ARHGAP42: variants seen among roughly 807,000 people sequenced by gnomAD.
The protein encoded by ARHGAP42 is Rho GTPase activating protein 42.
A neutral mutation model predicts 125.0 loss-of-function variants in ARHGAP42; 63 were observed. The ratio of observed to expected loss-of-function variants is 0.50; its 90% CI spans 0.41 to 0.62. ARHGAP42 has a LOEUF of 0.62. ARHGAP42 is among the 20% of genes least tolerant of loss of function. The pLI, the probability that ARHGAP42 is intolerant of heterozygous loss-of-function variation, is 0.00. For synonymous variants in ARHGAP42, 339 were observed against 351.0 expected (o/e 0.97, Z 0.38); for missense variants, 766 against 1,024.2 (o/e 0.75, Z 3.44).
At chr11:100,701,903 CA>C (rs1215603126) in intron 1 of ARHGAP42, among the ~76,000 whole-genome samples, 1 of 151,852 alleles carries the variant, frequency 6.6e-6, no homozygotes, top group East Asian at 1.9e-4. Context: ...CCTTTGCATT[CA>C]TAATTTGACT....
chr11:100,762,784 A>G (rs1450270766), intron 1 of ARHGAP42, among the ~76,000 whole-genome samples: 1 of 152,046 alleles, frequency 6.6e-6, no homozygotes, highest in Non-Finnish European at 1.5e-5. Context: ...GTTCCCTGAG[A>G]GCACACTAAA....
intron 18 of ARHGAP42, 107 bp downstream of exon 18, chr11:100,973,441 A>G (rs1192209892): frequency 8.9e-7 from 1 of 1,121,688 alleles, no homozygotes; most frequent in East Asian, 2.6e-5. Context: ...TTACTTCTTA[A>G]TGGGGACTTC....
In ARHGAP42 at chr11:100,742,508, T is replaced by TA. The variant is rs200316582; in HGVS notation, c.155-27833dup. ...GTTCCTGTGGAATTACAGTGTTTTA[T>TA]AATTTGAAGTAACAGATCTTATTAA... On this transcript the variant is annotated intron_variant, in intron 1 of 23. Transcript: ENST00000298815. 5.3e-3 allele frequency among the ~76,000 whole-genome samples: 806 copies of TA among 152,332 alleles called. 9 individuals carry two copies. The highest frequency in any genetic ancestry group is 0.019 in the African/African-American group (772 of 41,576).
At chr11:100,884,126 C>T (rs947297164) in intron 4 of ARHGAP42, among the ~76,000 whole-genome samples, 36 of 152,082 alleles carry the variant, frequency 2.4e-4, no homozygotes, top group Admixed American at 1.4e-3. Context: ...ATGTGGTCTT[C>T]CCATTGGATC....
At chr11:100,808,467 G>T (rs1019821674) in intron 3 of ARHGAP42, among the ~76,000 whole-genome samples, 1 of 147,306 alleles carries the variant, frequency 6.8e-6, no homozygotes, top group African/African-American at 2.5e-5. Flanking sequence ...CTGCAGTGGC[G>T]CAATCTCGGC....
chr11:100,906,833 A>G (rs1340998752), intron 4 of ARHGAP42, among the ~76,000 whole-genome samples: 4 of 152,246 alleles, frequency 2.6e-5, no homozygotes, highest in African/African-American at 9.6e-5. Context: ...ATCCATCAAC[A>G]CTTATTATTT....
chr11:100,690,928 G>T (rs904456387), intron 1 of ARHGAP42, among the ~76,000 whole-genome samples: 9 of 152,130 alleles, frequency 5.9e-5, no homozygotes, highest in Non-Finnish European at 1.2e-4. Context: ...TCAGATTCAT[G>T]TCCACTTGGA....
intron 3 of ARHGAP42, among the ~76,000 whole-genome samples, chr11:100,824,870 A>T (rs987591617): frequency 8.5e-5 from 13 of 152,188 alleles, no homozygotes. Flanking sequence ...TTTCTTTCCC[A>T]TTCTAAGCTG....
intron 1 of ARHGAP42, among the ~76,000 whole-genome samples, chr11:100,730,478 C>A (rs1201009729): frequency 6.6e-6 from 1 of 152,136 alleles, no homozygotes; most frequent in Non-Finnish European, 1.5e-5. Flanking sequence ...AGCTGAAAAG[C>A]CAATGTTGCT....
chr11:100,798,456 T>C (rs1285566304), intron 3 of ARHGAP42, among the ~76,000 whole-genome samples: 4 of 152,170 alleles, frequency 2.6e-5, no homozygotes, highest in Non-Finnish European at 5.9e-5. Context: ...GACAGGAGCC[T>C]CCACCATCAA....
chr11:100,957,924 C>T (rs1483804446), intron 12 of ARHGAP42, among the ~76,000 whole-genome samples: 2 of 152,028 alleles, frequency 1.3e-5, no homozygotes, highest in African/African-American at 4.8e-5. Flanking sequence ...TCACTACTAT[C>T]TTCATTCCTT....
At chr11:100,978,600 A>G (rs1858449648) in intron 21 of ARHGAP42, among the ~76,000 whole-genome samples, 1 of 152,208 alleles carries the variant, frequency 6.6e-6, no homozygotes, top group Non-Finnish European at 1.5e-5. Flanking sequence ...AAAAGAATGA[A>G]CAACAGTTCT....
chr11:100,751,830 A>G (rs1268183457), intron 1 of ARHGAP42, among the ~76,000 whole-genome samples: 25 of 122,190 alleles, frequency 2.0e-4, no homozygotes, highest in Non-Finnish European at 6.4e-5. Flanking sequence ...CCCAGGCTGG[A>G]GTGCAATGGT....
rs181994216 is a variant in ARHGAP42, at chr11:100,861,077, G to C, written c.384+1452G>C. On this transcript the variant is annotated intron_variant, in intron 4 of 23. Coordinates refer to ENST00000298815, the MANE Select transcript of ARHGAP42 (RefSeq NM_152432.4). ...TGCGATGCAAAAGTGCTTCACAAGG[G>C]CATCATTAATGGATCTGAACTTGTC... Among the ~76,000 whole-genome samples, 81 of 152,262 alleles carry C rather than the reference G, an allele frequency of 5.3e-4. No homozygotes were observed. In the East Asian group the frequency reaches 0.014, roughly 25 times the overall value.
intron 1 of ARHGAP42, among the ~76,000 whole-genome samples, chr11:100,708,502 A>T (rs756842551): frequency 6.6e-6 from 1 of 152,198 alleles, no homozygotes; most frequent in Non-Finnish European, 1.5e-5. Context: ...TGACAGAGTG[A>T]GACCTGTCTC....
chr11:100,936,895 T>C (rs1343392451), intron 8 of ARHGAP42, among the ~76,000 whole-genome samples: 1 of 152,028 alleles, frequency 6.6e-6, no homozygotes, highest in African/African-American at 2.4e-5. Context: ...ATAACTGGAG[T>C]TTTTTGTGCA....
At chr11:100,869,412 T>G (rs571547311) in intron 4 of ARHGAP42, among the ~76,000 whole-genome samples, 4 of 152,168 alleles carry the variant, frequency 2.6e-5, no homozygotes, top group African/African-American at 9.6e-5. Context: ...CCTCTTTTTT[T>G]TTTTTTCTTT....
intron 4 of ARHGAP42, among the ~76,000 whole-genome samples, chr11:100,870,100 A>T (rs1171406486): frequency 6.6e-6 from 1 of 152,190 alleles, no homozygotes; most frequent in African/African-American, 2.4e-5. Flanking sequence ...CTATACAATA[A>T]GATTATTTTC....
In ARHGAP42 at chr11:100,991,426, A is replaced by G. The variant is rs1858828934; in HGVS notation, c.*2625A>G. On this transcript the variant is annotated 3_prime_UTR_variant, in exon 24 of 24. Coordinates refer to ENST00000298815, the MANE Select transcript of ARHGAP42 (RefSeq NM_152432.4). ...CTTTTCAGGAACAATGTGAAGATAC[A>G]TTAGAATTGCCACATCCATATCTTC... 6.6e-6 allele frequency: 1 copy of G among 152,206 alleles called. No homozygotes were observed. The highest frequency in any genetic ancestry group is 2.1e-4 in the South Asian group (1 of 4,838). 9.4% of individuals were successfully genotyped at this position (152,206 alleles called of 1,614,324 possible). A position where few individuals can be genotyped will look rare whatever the true frequency, so the allele number is the denominator to read the frequency against.
Sources: allele counts gnomAD v4.1 joint callset (sites outside exome capture counted in the v4.1 genomes callset), GRCh38; gene constraint gnomAD v4.1.1; transcripts MANE v1.5; gene names NCBI Gene and HGNC (gene_info 2026-07-23, HGNC 2026-07-21).